The following QKI variants were observed in gnomAD, a reference collection of about 807,000 sequenced individuals.
QKI encodes the protein KH domain-containing RNA-binding protein QKI.
QKI carries 10 observed loss-of-function variants against 39.0 expected under a neutral mutation model. That is an observed-to-expected ratio of 0.26 (90% confidence interval 0.16 to 0.43). The LOEUF is 0.43. Among genes scored for constraint, QKI ranks in the 20% least tolerant of loss-of-function variants. QKI has a pLI of 1.00. For missense variants in QKI, 218 were observed against 428.0 expected (o/e 0.51, Z 4.33); for synonymous variants, 204 against 155.4 (o/e 1.31, Z -2.33).
At chr6:163,416,156 G>T (rs1405274962) in intron 1 of QKI, among the ~76,000 whole-genome samples, 1 of 151,842 alleles carries the variant, frequency 6.6e-6, no homozygotes, top group Non-Finnish European at 1.5e-5. Context: ...GGACGCAGCC[G>T]CCTGAGTTTG....
At chr6:163,429,404 TATATC>T (rs1356691649) in intron 1 of QKI, among the ~76,000 whole-genome samples, 21 of 152,278 alleles carry the variant, frequency 1.4e-4, no homozygotes, top group East Asian at 1.3e-3. Flanking sequence ...TAAAAAAAAT[TATATC>T]ATGAGCAAAA....
At chr6:163,538,032 C>T (rs995765399) in intron 4 of QKI, among the ~76,000 whole-genome samples, 2 of 85,564 alleles carry the variant, frequency 2.3e-5, no homozygotes, top group African/African-American at 6.2e-5. Context: ...GTCATATGTA[C>T]ACATCTTCCT....
chr6:163,467,078 G>A (rs1257684332), intron 2 of QKI, among the ~76,000 whole-genome samples: 7 of 149,746 alleles, frequency 4.7e-5, no homozygotes, highest in Non-Finnish European at 8.9e-5. Context: ...TTTAAAAATA[G>A]GCAAATAACT....
At chr6:163,471,355 T>C (rs1338997419) in intron 2 of QKI, among the ~76,000 whole-genome samples, 1 of 152,064 alleles carries the variant, frequency 6.6e-6, no homozygotes, top group Non-Finnish European at 1.5e-5. Flanking sequence ...GGCAGAAGAA[T>C]GATGATTATT....
intron 1 of QKI, among the ~76,000 whole-genome samples, chr6:163,443,290 A>T (rs926098365): frequency 6.6e-6 from 1 of 152,150 alleles, no homozygotes; most frequent in Non-Finnish European, 1.5e-5. Context: ...AAAACTCTTC[A>T]CCGGGTACAG....
Position 163,455,324 on chromosome 6 carries a change from G to T in QKI, c.188G>T (p.Gly63Val). The stretch of plus-strand genomic sequence containing the variant: ...GACATGTACAATGACACATTAAATG[G>T]CAGTACAGAGAAAAGGAGTGCAGAA... Reference protein sequence around the residue: ...RKDMYNDTLNGSTEKRSAELP... With the variant: ...RKDMYNDTLNVSTEKRSAELP... Residue 63 changes from glycine to valine, a missense_variant, in exon 2 of 8, where the codon GGC becomes GTC. Physicochemically the swap from Gly to Val is moderately radical, Grantham distance 109. This residue lies in a region of QKI where 61 missense variants were observed against 193.3 expected (regional missense o/e 0.32). Coordinates refer to ENST00000361752, the MANE Select transcript of QKI (RefSeq NM_006775.3). The T allele has an allele frequency of 2.5e-6, 4 of 1,613,356 alleles. No individual in the cohort carries two copies. Among genetic ancestry groups the T allele is most frequent in the Non-Finnish European group, 3.4e-6 (4 of 1,179,462 alleles).
At chr6:163,556,690 A>G (rs955798762) in intron 4 of QKI, among the ~76,000 whole-genome samples, 3 of 151,976 alleles carry the variant, frequency 2.0e-5, no homozygotes, top group African/African-American at 7.3e-5. Flanking sequence ...TAGTGTGAGT[A>G]TTTTTCTGTT....
At chr6:163,516,409 C>G (rs952334007) in intron 3 of QKI, among the ~76,000 whole-genome samples, 3 of 152,120 alleles carry the variant, frequency 2.0e-5, no homozygotes, top group African/African-American at 7.2e-5. Context: ...GTTCTCCTGC[C>G]TCAGCCTCCC....
chr6:163,561,984 A>G lies in QKI; in HGVS notation c.549A>G (p.Ala183=). 6.2e-7 allele frequency: 1 copy of G among 1,612,522 alleles called. No homozygotes were observed. The highest frequency in any genetic ancestry group is 8.5e-7 in the Non-Finnish European group (1 of 1,179,344). ...EEVKKLLVPA[A]EGEDSLKKMQ... Reference sequence around the variant, plus strand: ...TCTCATGTGTTTTCCATGTATAGGCAGAAGGAGAAGACAGCCTGAAGAAGA... The same window carrying G: ...TCTCATGTGTTTTCCATGTATAGGCGGAAGGAGAAGACAGCCTGAAGAAGA... The change falls in exon 5 of 8, where the codon GCA becomes GCG. Residue 183 remains alanine (A), a splice_region_variant and synonymous_variant. Transcript: ENST00000361752.
intron 1 of QKI, among the ~76,000 whole-genome samples, chr6:163,444,973 A>G (rs1157803806): frequency 6.6e-6 from 1 of 152,130 alleles, no homozygotes; most frequent in African/African-American, 2.4e-5. Context: ...CAGCGGAGTG[A>G]TCATGGACCA....
At chr6:163,510,537 G>A (rs1266360698) in intron 3 of QKI, among the ~76,000 whole-genome samples, 1 of 152,022 alleles carries the variant, frequency 6.6e-6, no homozygotes, top group Non-Finnish European at 1.5e-5. Context: ...CTCCAGCCTG[G>A]GTGACAGAGC....
At chr6:163,460,693 C>T (rs1296744086) in intron 2 of QKI, among the ~76,000 whole-genome samples, 1 of 152,078 alleles carries the variant, frequency 6.6e-6, no homozygotes, top group African/African-American at 2.4e-5. Context: ...GTCTTTGTTC[C>T]TTTGACCATT....
chr6:163,509,865 G>A (rs1257107730), intron 3 of QKI, among the ~76,000 whole-genome samples: 1 of 152,030 alleles, frequency 6.6e-6, no homozygotes, highest in East Asian at 1.9e-4. Flanking sequence ...AATAGAAATG[G>A]AAGAACCACT....
At chr6:163,527,640 C>A (rs1356560093) in intron 3 of QKI, among the ~76,000 whole-genome samples, 1 of 152,128 alleles carries the variant, frequency 6.6e-6, no homozygotes, top group Non-Finnish European at 1.5e-5. Flanking sequence ...TTTTAAACTT[C>A]ATAGGGCAGC....
intron 1 of QKI, among the ~76,000 whole-genome samples, chr6:163,451,292 G>C (rs1039373929): frequency 2.0e-5 from 3 of 152,158 alleles, no homozygotes; most frequent in Non-Finnish European, 4.4e-5. Flanking sequence ...GGCAGAGTTT[G>C]GGACTAGAAT....
rs2128254453 is a variant in QKI at position 163,575,602 on chromosome 6, C to T, written c.*4892C>T. On this transcript the variant is annotated 3_prime_UTR_variant, in exon 8 of 8. Coordinates refer to ENST00000361752, the MANE Select transcript of QKI (RefSeq NM_006775.3). ...TGAAAGTAGTTACTCCCATACGCAC[C>T]AGTGCAGTAGCTCCAGGTGTAAGAG... 1 of 152,238 alleles carries T rather than the reference C, an allele frequency of 6.6e-6. No homozygotes were observed. The highest frequency in any genetic ancestry group is 1.5e-5 in the Non-Finnish European group (1 of 68,012). 9.4% of individuals were successfully genotyped at this position (152,238 alleles called of 1,614,324 possible).
At chr6:163,478,477 A>G (rs1022530992) in intron 2 of QKI, among the ~76,000 whole-genome samples, 2 of 152,216 alleles carry the variant, frequency 1.3e-5, no homozygotes, top group African/African-American at 4.8e-5. Flanking sequence ...ATATTTTGTC[A>G]AACTCTTTAA....
At chr6:163,564,345 C>T in intron 6 of QKI, 1 of 1,074,628 alleles carries the variant, frequency 9.3e-7, no homozygotes, top group Non-Finnish European at 1.2e-6. Context: ...CACACCTAGG[C>T]TGTGTGGTAT....
intron 3 of QKI, among the ~76,000 whole-genome samples, chr6:163,498,124 A>G (rs189694653): frequency 2.8e-5 from 4 of 145,418 alleles, no homozygotes; most frequent in Non-Finnish European, 3.0e-5. Flanking sequence ...GTCCTCCAGT[A>G]GTCTTATTTG....
Sources: gnomAD v4.1 joint callset for allele counts (sites outside exome capture counted in the v4.1 genomes callset) on GRCh38, gnomAD v4.1.1 for gene constraint, gnomAD v4.1.1 regional missense constraint, MANE v1.5 for transcripts, NCBI Gene and HGNC (gene_info 2026-07-23, HGNC 2026-07-21) for gene names.